The following PWWP3B variants were observed in gnomAD, a reference collection of about 807,000 sequenced individuals.
PWWP3B encodes PWWP domain-containing DNA repair factor 3B.
Under a neutral mutation model 15.7 loss-of-function variants are expected in PWWP3B, and 5 were observed. That is an observed-to-expected ratio of 0.32 (90% CI 0.17 to 0.67). PWWP3B has a LOEUF of 0.67. PWWP3B is among the 30% of genes least tolerant of loss of function. PWWP3B has a pLI of 0.74. For missense variants in PWWP3B, 519 were observed against 493.1 expected, an observed-to-expected ratio of 1.05 and a Z score of -0.50; for synonymous variants, 203 against 179.8, an observed-to-expected ratio of 1.13 and a Z score of -1.03.
At chrX:106,169,446 T>C (rs1377284057) in intron 1 of PWWP3B, among the ~76,000 whole-genome samples, 1 of 111,935 alleles carries the variant, frequency 8.9e-6, no homozygotes. Flanking sequence ...TTAGATTCTT[T>C]TGGAAACGAT....
At chrX:106,188,511 G>A (rs777597006) in intron 2 of PWWP3B, among the ~76,000 whole-genome samples, 2 of 111,487 alleles carry the variant, frequency 1.8e-5, no homozygotes, top group Admixed American at 9.5e-5. Flanking sequence ...TTTAAGACCC[G>A]GGTTTAAAGA....
At chrX:106,191,591 G>T (rs1922966691) in intron 2 of PWWP3B, among the ~76,000 whole-genome samples, 1 of 111,455 alleles carries the variant, frequency 9.0e-6, no homozygotes, top group Non-Finnish European at 1.9e-5. Flanking sequence ...AATAAGAGTG[G>T]TGAGAGAGGG....
chrX:106,173,446 C>T (rs1011176636), intron 2 of PWWP3B, among the ~76,000 whole-genome samples: 3 of 111,353 alleles, frequency 2.7e-5, no homozygotes, highest in Non-Finnish European at 5.6e-5. Flanking sequence ...ACCCATTATT[C>T]GTTCTTCTGA....
intron 2 of PWWP3B, among the ~76,000 whole-genome samples, chrX:106,194,061 G>C (rs928435404): frequency 6.3e-5 from 7 of 111,070 alleles, no homozygotes; most frequent in African/African-American, 2.3e-4. Flanking sequence ...GGCATTCTCT[G>C]TATTTCCTGA....
At chrX:106,199,151 C>A (rs1272081289) in intron 2 of PWWP3B, among the ~76,000 whole-genome samples, 1 of 108,249 alleles carries the variant, frequency 9.2e-6, no homozygotes, top group East Asian at 2.9e-4. Flanking sequence ...TGGGTTCATG[C>A]CATTCTCCTG....
Position 106,208,465 on chromosome X carries a change from C to T in PWWP3B, c.*942C>T, listed in dbSNP as rs756392531. 8.1e-6 allele frequency: 1 copy of T among 124,082 alleles called. No individual in the cohort carries two copies. Among genetic ancestry groups the T allele is most frequent in the East Asian group, 2.8e-4 (1 of 3,589 alleles). The allele number at this position is 124,082 out of a possible 1,213,427, so 10.2% of individuals were successfully genotyped here. A position where few individuals can be genotyped will look rare whatever the true frequency, so the allele number is the denominator to read the frequency against. On this transcript the variant is annotated 3_prime_UTR_variant, in exon 4 of 4. Coordinates refer to ENST00000357175, the MANE Select transcript of PWWP3B (RefSeq NM_001171020.2). Reference sequence around the variant, plus strand: ...ATATAAACTGTAGAAAAGGCAAGCACTTTGTTCTGAGTCTTTTATCTCCAA... The same window carrying T: ...ATATAAACTGTAGAAAAGGCAAGCATTTTGTTCTGAGTCTTTTATCTCCAA...
At chrX:106,188,935 A>G (rs1922691786) in intron 2 of PWWP3B, among the ~76,000 whole-genome samples, 1 of 112,479 alleles carries the variant, frequency 8.9e-6, no homozygotes, top group South Asian at 3.6e-4. Context: ...AGTTTTTGGC[A>G]ATTATGATTA....
intron 2 of PWWP3B, among the ~76,000 whole-genome samples, chrX:106,189,670 T>G (rs1483790917): frequency 1.0e-5 from 1 of 100,378 alleles, no homozygotes; most frequent in Non-Finnish European, 2.0e-5. Flanking sequence ...CAGGCTGGAG[T>G]GCAGTGGCGT....
intron 2 of PWWP3B, among the ~76,000 whole-genome samples, chrX:106,173,236 A>G (rs745716293): frequency 9.4e-4 from 105 of 111,372 alleles, no homozygotes; most frequent in African/African-American, 3.2e-3. Context: ...TTCACTTACG[A>G]TAACTCAGAG....
rs748054687 is a variant in PWWP3B, at chrX:106,205,391, C to G, written c.-42C>G. 10 of 1,082,918 alleles carry G rather than the reference C, an allele frequency of 9.2e-6. No individual in the cohort carries two copies. The highest frequency in any genetic ancestry group is 4.8e-6 in the Non-Finnish European group (4 of 829,071). 89.2% of individuals were successfully genotyped at this position (1,082,918 alleles called of 1,213,427 possible). A position where few individuals can be genotyped will look rare whatever the true frequency, so the allele number is the denominator to read the frequency against. On this transcript the variant is annotated 5_prime_UTR_variant, in exon 4 of 4. Transcript: ENST00000357175. ...TTAGCAGTGACAAAGATAGCCACCT[C>G]AACCTTTGGTAATAACCCTTGGCAC...
Position 106,177,820 on chromosome X carries a change from GATGTAT to G in PWWP3B, c.-401+6684_-401+6689del, listed in dbSNP as rs1437000107. On this transcript the variant is annotated intron_variant, in intron 2 of 3. Coordinates refer to ENST00000357175, the MANE Select transcript of PWWP3B (RefSeq NM_001171020.2). ...GCCGTCGAGTGGTAACACTTGTAAA[GATGTAT>G]ATTCGTTTTCCTTAGGAAGGGAACT... Among the ~76,000 whole-genome samples, 4 of 112,046 alleles carry G rather than the reference GATGTAT, an allele frequency of 3.6e-5. No individual in the cohort carries two copies. In the Admixed American group the frequency reaches 3.8e-4, roughly 11 times the overall value.
intron 2 of PWWP3B, among the ~76,000 whole-genome samples, chrX:106,174,883 A>G (rs777134940): frequency 9.1e-6 from 1 of 109,755 alleles, no homozygotes; most frequent in South Asian, 4.0e-4. Context: ...CCCCATCTCT[A>G]CTAAAAGTAC....
intron 2 of PWWP3B, among the ~76,000 whole-genome samples, chrX:106,171,799 A>T (rs1427957974): frequency 9.1e-6 from 1 of 110,374 alleles, no homozygotes; most frequent in South Asian, 3.9e-4. Context: ...ACAACTGCCT[A>T]CAGTGGTGAA....
Position 106,206,418 on chromosome X carries a change from A to G in PWWP3B, c.986A>G (p.Asp329Gly), listed in dbSNP as rs935013811. 5.8e-6 allele frequency: 7 copies of G among 1,209,895 alleles called. No homozygotes were observed. The South Asian group carries it at 7.1e-5, about 12-fold the overall frequency. Residue 329 changes from aspartate to glycine, a missense_variant, in exon 4 of 4, where the codon GAT becomes GGT. Physicochemically the swap from Asp to Gly is moderately conservative, Grantham distance 94 (BLOSUM62 -1). Coordinates refer to ENST00000357175, the MANE Select transcript of PWWP3B (RefSeq NM_001171020.2). Reference protein sequence around the residue: ...VSFSASNPVWDYSHLMSSERN... With the variant: ...VSFSASNPVWGYSHLMSSERN... ...TTTAGTGCCTCTAACCCTGTCTGGGATTATTCACATCTTATGAGTAGTGAA... is the reference window on the plus strand; with the variant it reads ...TTTAGTGCCTCTAACCCTGTCTGGGGTTATTCACATCTTATGAGTAGTGAA...
Position 106,205,549 on chromosome X carries a change from T to C in PWWP3B, c.117T>C (p.Val39=). The C allele has an allele frequency of 1.7e-6, 2 of 1,205,575 alleles. No individual in the cohort carries two copies. Among genetic ancestry groups the C allele is most frequent in the Non-Finnish European group, 2.2e-6 (2 of 892,437 alleles). ...GGAAAAAGGCATTTTCTCTAGAAGT[T>C]CAAATACTCTCACTAGATGAAAAAA... The part of the protein sequence containing the change: ...SKRKKAFSLE[V]QILSLDEKIK... Residue 39 remains valine (V), a synonymous_variant, in exon 4 of 4, where the codon GTT becomes GTC. Transcript: ENST00000357175.
intron 2 of PWWP3B, among the ~76,000 whole-genome samples, chrX:106,194,242 T>G (rs1923215604): frequency 9.0e-6 from 1 of 111,458 alleles, no homozygotes; most frequent in African/African-American, 3.3e-5. Context: ...GTTCATTTCT[T>G]TTCATTCTTT....
At chrX:106,199,311 C>T (rs1415033154) in intron 2 of PWWP3B, among the ~76,000 whole-genome samples, 1 of 111,779 alleles carries the variant, frequency 8.9e-6, no homozygotes, top group Non-Finnish European at 1.9e-5. Flanking sequence ...CTGTCTCGGC[C>T]TCCCAAAGTG....
intron 2 of PWWP3B, among the ~76,000 whole-genome samples, chrX:106,199,897 TA>T (rs952604350): frequency 4.5e-5 from 5 of 110,413 alleles, no homozygotes; most frequent in African/African-American, 9.9e-5. Context: ...TATACGATTG[TA>T]AAAAAAAATT....
At position 106,207,063 on chromosome X, in the gene PWWP3B, G is replaced by A. The variant is rs1273778550; in HGVS notation, c.1631G>A (p.Arg544Gln). 4.1e-6 allele frequency: 5 copies of A among 1,207,192 alleles called. No homozygotes were observed. Among genetic ancestry groups the A allele is most frequent in the Non-Finnish European group, 4.5e-6 (4 of 893,064 alleles). Residue 544 changes from arginine (R) to glutamine (Q), a missense_variant, in exon 4 of 4, where the codon CGG (arginine) becomes CAG (glutamine). By Grantham distance (43) the Arg-to-Gln change is conservative (BLOSUM62 1). Transcript: ENST00000357175. ...KMSFQKILPD[R>Q]MKAARDRANK... The stretch of plus-strand genomic sequence containing the variant: ...TCCTTCCAAAAAATTCTCCCTGACC[G>A]GATGAAGGCTGCTCGGGACCGAGCC...
Sources: gnomAD v4.1 joint callset for allele counts (sites outside exome capture counted in the v4.1 genomes callset) on GRCh38, gnomAD v4.1.1 for gene constraint, MANE v1.5 for transcripts, NCBI Gene and HGNC (gene_info 2026-07-23, HGNC 2026-07-21) for gene names.